Variants in DDX39B observed in about 807,000 individuals in gnomAD.
DDX39B encodes the protein spliceosome RNA helicase DDX39B.
Under a neutral mutation model 46.4 loss-of-function variants are expected in DDX39B, and 6 were observed. The observed-to-expected ratio is 0.13, with a 90% confidence interval of 0.07 to 0.26. The LOEUF (loss-of-function observed/expected upper bound fraction) is 0.26. Ranked by LOEUF, DDX39B falls within the 10% of genes least tolerant of loss-of-function variation. The pLI, the probability that DDX39B is intolerant of heterozygous loss-of-function variation, is 1.00. For synonymous variants in DDX39B, 174 were observed against 199.4 expected, an observed-to-expected ratio of 0.87 and a Z score of 1.07; for missense variants, 185 against 553.4, an observed-to-expected ratio of 0.33 and a Z score of 6.68.
At position 31,534,469 on chromosome 6, in the gene DDX39B, G is replaced by C; in HGVS notation, c.735+898C>G. ...TAGCCCCAAACCCTAACAACCACCC[G>C]ATTACATCCACTTTACCTTTCCTAT... On this transcript the variant is annotated intron_variant, in intron 6 of 10. Coordinates refer to ENST00000396172, the MANE Select transcript of DDX39B (RefSeq NM_004640.7). The surrounding 1 kb of genome is among the most constrained non-coding windows in gnomAD (Gnocchi z 5.1). 1 of 470,684 alleles carries C rather than the reference G, an allele frequency of 2.1e-6. No individual in the cohort carries two copies. The highest frequency in any genetic ancestry group is 4.4e-6 in the Non-Finnish European group (1 of 226,970). 29.2% of individuals were successfully genotyped at this position (470,684 alleles called of 1,614,324 possible).
chr6:31,540,785 T>C (rs1388833927), intron 1 of DDX39B, 121 bp from the exon 2 acceptor site: 2 of 561,540 alleles, frequency 3.6e-6, no homozygotes, highest in Non-Finnish European at 6.3e-6. Context: ...GAAAAACAGA[T>C]ACAAAACATA....
intron 4 of DDX39B, among the ~76,000 whole-genome samples, chr6:31,538,554 T>A (rs1407595846): frequency 6.6e-6 from 1 of 152,110 alleles, no homozygotes; most frequent in Non-Finnish European, 1.5e-5. Flanking sequence ...TGATTCAAAG[T>A]CAGTATAAAG....
chr6:31,541,759 C>T, intron 1 of DDX39B, 191 bp downstream of exon 1: 1 of 642,646 alleles, frequency 1.6e-6, no homozygotes, highest in Non-Finnish European at 2.9e-6. Flanking sequence ...GGATTGGGTC[C>T]CCCCTTAGCT....
intron 3 of DDX39B, 78 bp from the exon 4 acceptor site, chr6:31,538,933 A>T: frequency 6.6e-7 from 1 of 1,519,550 alleles, no homozygotes; most frequent in Non-Finnish European, 9.1e-7. Flanking sequence ...CTGTCACAAA[A>T]ACACACCTGG....
intron 5 of DDX39B, 34 bp downstream of exon 5, chr6:31,536,466 C>G (rs1430819933): frequency 6.2e-7 from 1 of 1,612,778 alleles, no homozygotes; most frequent in Non-Finnish European, 8.5e-7. Flanking sequence ...GAACAACTCC[C>G]CAGCATTAGC....
chr6:31,538,557 G>A (rs1292244368), intron 4 of DDX39B, among the ~76,000 whole-genome samples: 5 of 152,128 alleles, frequency 3.3e-5, no homozygotes, highest in Non-Finnish European at 7.3e-5. Flanking sequence ...TTCAAAGTCA[G>A]TATAAAGTAG....
At position 31,535,110 on chromosome 6, in the gene DDX39B, G is replaced by A. The variant is rs1397291173; in HGVS notation, c.735+257C>T. The A allele has an allele frequency of 9.1e-6, 5 of 550,974 alleles. No homozygotes were observed. Among genetic ancestry groups the A allele is most frequent in the Non-Finnish European group, 1.6e-5 (5 of 306,586 alleles). The allele number at this position is 550,974 out of a possible 1,614,324, so 34.1% of individuals were successfully genotyped here. On this transcript the variant is annotated intron_variant, in intron 6 of 10. Coordinates refer to ENST00000396172, the MANE Select transcript of DDX39B (RefSeq NM_004640.7). This position sits in a 1 kb window ranked among gnomAD's most constrained non-coding sequence, Gnocchi z 4.6. ...AAGGGAGAAGAGGTTCAAAAATGTT[G>A]TGATTTATGAAAAAGTCGAACACTA...
chr6:31,532,915 G>T lies in DDX39B; in HGVS notation c.736-4C>A. ...CATCCACGAAGATCTCCATTGGCTG[G>T]GGGGGAGGAAGGGGGTGGGGAACGG... On this transcript the variant is annotated splice_polypyrimidine_tract_variant and splice_region_variant and intron_variant, in intron 6 of 10. Coordinates refer to ENST00000396172, the MANE Select transcript of DDX39B (RefSeq NM_004640.7). The T allele has an allele frequency of 6.7e-7, 1 of 1,486,188 alleles. No individual in the cohort carries two copies. The allele number at this position is 1,486,188 out of a possible 1,614,324, so 92.1% of individuals were successfully genotyped here. A position where few individuals can be genotyped will look rare whatever the true frequency, so the allele number is the denominator to read the frequency against.
intron 6 of DDX39B, chr6:31,533,412 A>G (rs1767412626): frequency 6.2e-6 from 1 of 162,094 alleles, no homozygotes; most frequent in Non-Finnish European, 1.4e-5. Context: ...TCTCGTGTGC[A>G]TTAGCAAAGT....
At chr6:31,541,789 G>C in intron 1 of DDX39B, 161 bp downstream of exon 1, 1 of 663,566 alleles carries the variant, frequency 1.5e-6, no homozygotes, top group Non-Finnish European at 2.8e-6. Context: ...TCCCCCAGGA[G>C]CTCTTTGCTC....
Position 31,531,472 on chromosome 6 carries a change from T to G in DDX39B, c.868-67A>C. Reference sequence around the variant, plus strand: ...GGGGTCCATGGTGTGTGAGAGACATTACGTGGGAGAGGGGAGTTTCTAGTA... The same window carrying G: ...GGGGTCCATGGTGTGTGAGAGACATGACGTGGGAGAGGGGAGTTTCTAGTA... On this transcript the variant is annotated intron_variant, in intron 7 of 10. Coordinates refer to ENST00000396172, the MANE Select transcript of DDX39B (RefSeq NM_004640.7). This position sits in a 1 kb window ranked among gnomAD's most constrained non-coding sequence, Gnocchi z 5.8. The G allele has an allele frequency of 7.1e-7, 1 of 1,399,498 alleles. No individual in the cohort carries two copies. The highest frequency in any genetic ancestry group is 1.0e-6 in the Non-Finnish European group (1 of 992,448). The allele number at this position is 1,399,498 out of a possible 1,614,324, so 86.7% of individuals were successfully genotyped here. A position where few individuals can be genotyped will look rare whatever the true frequency, so the allele number is the denominator to read the frequency against.
intron 4 of DDX39B, 36 bp from the exon 5 acceptor site, chr6:31,536,719 G>A: frequency 6.2e-7 from 1 of 1,605,190 alleles, no homozygotes; most frequent in Non-Finnish European, 8.5e-7. Flanking sequence ...CAAAACAGAG[G>A]AAGGAAAGAG....
At position 31,541,976 on chromosome 6, in the gene DDX39B, C is replaced by T. The variant is rs538995701; in HGVS notation, c.-159G>A. On this transcript the variant is annotated 5_prime_UTR_variant, in exon 1 of 11. Coordinates refer to ENST00000396172, the MANE Select transcript of DDX39B (RefSeq NM_004640.7). ...TAAACAGGGAGAGCGCGTATGGCGGCAGCAACAGCGACGAAGGAGGGAAAT... is the reference window on the plus strand; with the variant it reads ...TAAACAGGGAGAGCGCGTATGGCGGTAGCAACAGCGACGAAGGAGGGAAAT... 3.6e-4 allele frequency: 242 copies of T among 675,052 alleles called. 4 individuals are homozygous for T. The Admixed American group carries it at 4.9e-3, about 14-fold the overall frequency. The allele number at this position is 675,052 out of a possible 1,614,324, so 41.8% of individuals were successfully genotyped here. A position where few individuals can be genotyped will look rare whatever the true frequency, so the allele number is the denominator to read the frequency against.
At chr6:31,532,005 A>T (rs1274852894) in intron 7 of DDX39B, among the ~76,000 whole-genome samples, 1 of 151,848 alleles carries the variant, frequency 6.6e-6, no homozygotes, top group Admixed American at 6.6e-5. Flanking sequence ...TTTTATTTTT[A>T]CTATTTGTAG....
Position 31,535,611 on chromosome 6 carries a change from G to T in DDX39B, c.617-126C>A. 1 of 714,472 alleles carries T rather than the reference G, an allele frequency of 1.4e-6. No individual in the cohort carries two copies. Among genetic ancestry groups the T allele is most frequent in the South Asian group, 1.8e-5 (1 of 55,204 alleles). The allele number at this position is 714,472 out of a possible 1,614,324, so 44.3% of individuals were successfully genotyped here. A position where few individuals can be genotyped will look rare whatever the true frequency, so the allele number is the denominator to read the frequency against. On this transcript the variant is annotated intron_variant, in intron 5 of 10. Transcript: ENST00000396172. This position sits in a 1 kb window ranked among gnomAD's most constrained non-coding sequence, Gnocchi z 4.6. ...TAACAACACAATGGAAAGAGCAATG[G>T]ACTTGGAATCAAGAAGTGGGATCAG...
At chr6:31,532,694 C>T in intron 7 of DDX39B, 86 bp downstream of exon 7, 2 of 1,521,998 alleles carry the variant, frequency 1.3e-6, no homozygotes, top group East Asian at 2.3e-5. Context: ...CATGTGATTT[C>T]CTCAATAAAA....
At chr6:31,536,749 C>CCAA in intron 4 of DDX39B, 66 bp from the exon 5 acceptor site, 5 of 1,563,086 alleles carry the variant, frequency 3.2e-6, no homozygotes, top group Non-Finnish European at 4.3e-6. Flanking sequence ...CCCAGGGTTC[C>CCAA]CACTCTGTTT....
At chr6:31,539,331 C>A in intron 2 of DDX39B, 57 bp from the exon 3 acceptor site, 2 of 1,583,398 alleles carry the variant, frequency 1.3e-6, no homozygotes, top group Non-Finnish European at 1.7e-6. Flanking sequence ...ATAACTCTAC[C>A]TTTTTCACCA....
In DDX39B at chr6:31,532,762, A is replaced by G. The variant is rs1397092024; in HGVS notation, c.867+18T>C. 3.1e-6 allele frequency: 5 copies of G among 1,609,028 alleles called. No homozygotes were observed. The highest frequency in any genetic ancestry group is 4.2e-6 in the Non-Finnish European group (5 of 1,178,766). ...GGAGTGCTCCAATGCTCATCCCCCT[A>G]CTGGACGTCTAACTGACCTGGTTGA... is the stretch of plus-strand genomic sequence containing the variant. On this transcript the variant is annotated intron_variant, in intron 7 of 10. Coordinates refer to ENST00000396172, the MANE Select transcript of DDX39B (RefSeq NM_004640.7).
Sources: gnomAD v4.1 joint callset for allele counts (sites outside exome capture counted in the v4.1 genomes callset) on GRCh38, gnomAD v4.1.1 for gene constraint, Gnocchi (gnomAD v3.1) non-coding constraint, MANE v1.5 for transcripts, NCBI Gene and HGNC (gene_info 2026-07-23, HGNC 2026-07-21) for gene names.